ABAT: variants seen among roughly 807,000 people sequenced by gnomAD.
ABAT encodes the protein 4-aminobutyrate aminotransferase, mitochondrial.
In ABAT, 45 loss-of-function variants were observed where a neutral mutation model predicts 64.6. The observed-to-expected ratio is 0.70, with a 90% CI of 0.55 to 0.89. The LOEUF (loss-of-function observed/expected upper bound fraction) is 0.89. Among genes scored for constraint, ABAT ranks in the 40% least tolerant of loss-of-function variants. The pLI is 0.00. For synonymous variants in ABAT, 297 were observed against 250.5 expected (o/e 1.19, Z -1.75); for missense variants, 633 against 658.4 (o/e 0.96, Z 0.42).
chr16:8,731,715 C>T (rs369954501), intron 1 of ABAT, among the ~76,000 whole-genome samples: 10 of 151,694 alleles, frequency 6.6e-5, no homozygotes, highest in African/African-American at 2.4e-4. Flanking sequence ...GTATACAGTA[C>T]GGTATTATAA....
chr16:8,691,517 G>A (rs1330234496), intron 1 of ABAT, among the ~76,000 whole-genome samples: 2 of 152,012 alleles, frequency 1.3e-5, no homozygotes, highest in Non-Finnish European at 2.9e-5. Context: ...TTGGCTCAAT[G>A]CAATCTCTGC....
At position 8,781,195 on chromosome 16, in the gene ABAT, ATGG is replaced by A. The variant is rs1168401822; in HGVS notation, c.1382-113_1382-111del. ...GGGCTTCCATGATGGAGGATGATGGATGGATGGATGGATGGATGGATGAGCGTT... is the reference window on the plus strand; with the variant it reads ...GGGCTTCCATGATGGAGGATGATGGAATGGATGGATGGATGGATGAGCGTT... On this transcript the variant is annotated intron_variant, in intron 15 of 15. Transcript: ENST00000268251. The surrounding 1 kb of genome is among the most constrained non-coding windows in gnomAD (Gnocchi z 4.5). The A allele has an allele frequency of 5.3e-6, 7 of 1,332,666 alleles. No homozygotes were observed. Among genetic ancestry groups the A allele is most frequent in the African/African-American group, 1.4e-5 (1 of 69,806 alleles). The allele number at this position is 1,332,666 out of a possible 1,614,324, so 82.6% of individuals were successfully genotyped here.
At chr16:8,744,766 G>T (rs888635340) in intron 2 of ABAT, among the ~76,000 whole-genome samples, 1 of 151,728 alleles carries the variant, frequency 6.6e-6, no homozygotes, top group Non-Finnish European at 1.5e-5. Flanking sequence ...TACTTGGGAG[G>T]CCGAGGCAGG....
chr16:8,729,028 C>T (rs935297507), intron 1 of ABAT, among the ~76,000 whole-genome samples: 8 of 152,158 alleles, frequency 5.3e-5, no homozygotes, highest in African/African-American at 1.9e-4. Context: ...AGCTAGGGGC[C>T]GGGCACGGTG....
intron 1 of ABAT, among the ~76,000 whole-genome samples, chr16:8,677,626 G>A (rs187760180): frequency 3.3e-5 from 5 of 152,174 alleles, no homozygotes; most frequent in East Asian, 1.9e-4. Flanking sequence ...ATTCAGCAGC[G>A]CCTCTGGTCT....
chr16:8,675,500 C>T (rs1196587133), intron 1 of ABAT, among the ~76,000 whole-genome samples: 1 of 152,112 alleles, frequency 6.6e-6, no homozygotes, highest in Non-Finnish European at 1.5e-5. Flanking sequence ...CTGCACCATC[C>T]TCCCACCGCT....
intron 1 of ABAT, chr16:8,713,032 C>G (rs1038980776): frequency 6.6e-6 from 1 of 151,220 alleles, no homozygotes; most frequent in African/African-American, 2.4e-5. Flanking sequence ...CCAGCATGGG[C>G]TACAATGGGG....
At chr16:8,683,807 G>C (rs2057389311) in intron 1 of ABAT, among the ~76,000 whole-genome samples, 1 of 152,174 alleles carries the variant, frequency 6.6e-6, no homozygotes, top group Middle Eastern at 3.2e-3. Context: ...AACAAGAAAA[G>C]CCAGGCCTCC....
intron 1 of ABAT, among the ~76,000 whole-genome samples, chr16:8,692,957 G>C (rs2057619513): frequency 6.6e-6 from 1 of 152,150 alleles, no homozygotes; most frequent in Non-Finnish European, 1.5e-5. Flanking sequence ...AGGTTCAAAT[G>C]ATTCTCCTGC....
rs2057921040 is a variant in ABAT at position 8,705,552 on chromosome 16, C to G, written c.-41-30147C>G. On this transcript the variant is annotated intron_variant, in intron 1 of 15. Coordinates refer to ENST00000268251, the MANE Select transcript of ABAT (RefSeq NM_020686.6). ...TTCTTGAGGTCAAAATATTTAATAT[C>G]TCTTTATGTTGTTTTCCAAAAGGTC... The G allele has an allele frequency of 3.3e-5, 5 of 152,118 alleles. No homozygotes were observed. In the South Asian group the frequency reaches 1.0e-3, roughly 32 times the overall value. The allele number at this position is 152,118 out of a possible 1,614,324, so 9.4% of individuals were successfully genotyped here. A position where few individuals can be genotyped will look rare whatever the true frequency, so the allele number is the denominator to read the frequency against.
chr16:8,740,395 A>G (rs556393919), intron 2 of ABAT, among the ~76,000 whole-genome samples: 1 of 152,328 alleles, frequency 6.6e-6, no homozygotes, highest in East Asian at 1.9e-4. Context: ...TGATGGCTCA[A>G]CTTGGCGGTT....
Position 8,763,104 on chromosome 16 carries a change from CAAAA to C in ABAT, c.367-950_367-947del, listed in dbSNP as rs60199249. On this transcript the variant is annotated intron_variant, in intron 6 of 15. Coordinates refer to ENST00000268251, the MANE Select transcript of ABAT (RefSeq NM_020686.6). ...AACCTGAGAGAGCAAGACCCTGTAA[CAAAA>C]AAAAAAAAAAAAAAGCCCTTCCAGG... is the stretch of plus-strand genomic sequence containing the variant. Among the ~76,000 whole-genome samples, 19 of 117,560 alleles carry C rather than the reference CAAAA, an allele frequency of 1.6e-4. No homozygotes were observed. The South Asian group carries it at 1.7e-3, about 11-fold the overall frequency. The allele number at this position is 117,560 out of a possible 152,430, so 77.1% of individuals were successfully genotyped here.
At position 8,783,610 on chromosome 16, in the gene ABAT, C is replaced by G. The variant is rs917426425; in HGVS notation, c.*2180C>G. On this transcript the variant is annotated 3_prime_UTR_variant, in exon 16 of 16. Coordinates refer to ENST00000268251, the MANE Select transcript of ABAT (RefSeq NM_020686.6). The stretch of plus-strand genomic sequence containing the variant: ...TTTCCACAGGCAGCATCCCAAGGTT[C>G]AATAAGGCCTTATTTAACAAGCAAG... 7.2e-5 allele frequency: 11 copies of G among 152,198 alleles called. No homozygotes were observed. The highest frequency in any genetic ancestry group is 1.6e-4 in the Non-Finnish European group (11 of 68,038). The allele number at this position is 152,198 out of a possible 1,614,324, so 9.4% of individuals were successfully genotyped here. A position where few individuals can be genotyped will look rare whatever the true frequency, so the allele number is the denominator to read the frequency against.
At chr16:8,686,389 G>A (rs1238965826) in intron 1 of ABAT, among the ~76,000 whole-genome samples, 1 of 152,204 alleles carries the variant, frequency 6.6e-6, no homozygotes, top group African/African-American at 2.4e-5. Context: ...CTGGGGACAG[G>A]TTCCAGGAGG....
intron 1 of ABAT, among the ~76,000 whole-genome samples, chr16:8,718,179 C>G (rs2058265827): frequency 6.6e-6 from 1 of 152,150 alleles, no homozygotes; most frequent in Non-Finnish European, 1.5e-5. Flanking sequence ...TAAGATGAAG[C>G]AGAACAAATG....
At chr16:8,685,734 C>A (rs535373907) in intron 1 of ABAT, among the ~76,000 whole-genome samples, 1 of 151,900 alleles carries the variant, frequency 6.6e-6, no homozygotes, top group Admixed American at 6.6e-5. Context: ...AACAAAAAAC[C>A]AATGTTCAAG....
chr16:8,676,582 G>A (rs911752561), intron 1 of ABAT, among the ~76,000 whole-genome samples: 6 of 152,202 alleles, frequency 3.9e-5, no homozygotes, highest in East Asian at 1.9e-4. Context: ...TGCTTACCCC[G>A]TGCGATCTTT....
In ABAT at chr16:8,781,485, A is replaced by T. The variant is rs112070267; in HGVS notation, c.*55A>T. 14 of 1,595,444 alleles carry T rather than the reference A, an allele frequency of 8.8e-6. No individual in the cohort carries two copies. In the African/African-American group the frequency reaches 1.1e-4, roughly 12 times the overall value. On this transcript the variant is annotated 3_prime_UTR_variant, in exon 16 of 16. Coordinates refer to ENST00000268251, the MANE Select transcript of ABAT (RefSeq NM_020686.6). The surrounding 1 kb of genome is among the most constrained non-coding windows in gnomAD (Gnocchi z 4.5). Reference sequence around the variant, plus strand: ...CCGGATCCCAACAGTTGTCAAATTGATTAGTTTGCCTAATTCATGTTTTCA... The same window carrying T: ...CCGGATCCCAACAGTTGTCAAATTGTTTAGTTTGCCTAATTCATGTTTTCA...
Position 8,776,589 on chromosome 16 carries a change from GTTCCA to G in ABAT, c.1269+100_1269+104del, listed in dbSNP as rs1596472730. 1.6e-6 allele frequency: 2 copies of G among 1,289,498 alleles called. No individual in the cohort carries two copies. Among genetic ancestry groups the G allele is most frequent in the East Asian group, 5.0e-5 (2 of 39,750 alleles). The allele number at this position is 1,289,498 out of a possible 1,614,324, so 79.9% of individuals were successfully genotyped here. A position where few individuals can be genotyped will look rare whatever the true frequency, so the allele number is the denominator to read the frequency against. ...TCTTCGGCATGGTGTTGTGCCTGCTGTTCCAGCAGTTCGTAACGGGCTGTGCTGCT... is the reference window on the plus strand; with the variant it reads ...TCTTCGGCATGGTGTTGTGCCTGCTGGCAGTTCGTAACGGGCTGTGCTGCT... On this transcript the variant is annotated intron_variant, in intron 14 of 15. Transcript: ENST00000268251. This position sits in a 1 kb window ranked among gnomAD's most constrained non-coding sequence, Gnocchi z 4.4.
Sources: allele counts gnomAD v4.1 joint callset (sites outside exome capture counted in the v4.1 genomes callset), GRCh38; gene constraint gnomAD v4.1.1; non-coding constraint Gnocchi (gnomAD v3.1); transcripts MANE v1.5; gene names NCBI Gene and HGNC (gene_info 2026-07-23, HGNC 2026-07-21).